Variants in PCSK2 observed in about 807,000 individuals in gnomAD.
PCSK2 encodes neuroendocrine convertase 2.
In PCSK2, 14 loss-of-function variants were observed where a neutral mutation model predicts 69.7. The observed-to-expected ratio is 0.20, with a 90% confidence interval of 0.13 to 0.31. PCSK2 has a LOEUF of 0.31. Among genes scored for constraint, PCSK2 ranks in the 10% least tolerant of loss-of-function variants. The pLI is 1.00. For synonymous variants in PCSK2, 307 were observed against 320.7 expected, an observed-to-expected ratio of 0.96 and a Z score of 0.46; for missense variants, 544 against 842.5, an observed-to-expected ratio of 0.65 and a Z score of 4.39.
At chr20:17,480,268 C>G (rs2033375284) in intron 11 of PCSK2, among the ~76,000 whole-genome samples, 1 of 146,046 alleles carries the variant, frequency 6.8e-6, no homozygotes, top group South Asian at 2.1e-4. Context: ...CGGCTCACTG[C>G]AAGCTCCGCC....
intron 2 of PCSK2, among the ~76,000 whole-genome samples, chr20:17,349,614 C>G (rs964472611): frequency 8.5e-5 from 13 of 152,108 alleles, no homozygotes; most frequent in South Asian, 2.1e-4. Flanking sequence ...GATGCGTCCT[C>G]AAGCCCATCC....
intron 4 of PCSK2, among the ~76,000 whole-genome samples, chr20:17,363,405 GAAA>G (rs748972601): frequency 6.6e-6 from 1 of 152,222 alleles, no homozygotes; most frequent in Non-Finnish European, 1.5e-5. Context: ...TAAAGGGGCA[GAAA>G]TTATTTCTTA....
intron 1 of PCSK2, among the ~76,000 whole-genome samples, chr20:17,232,804 C>A (rs1013978502): frequency 6.6e-6 from 1 of 152,156 alleles, no homozygotes; most frequent in African/African-American, 2.4e-5. Flanking sequence ...AAAATAAAAA[C>A]AGCATATAGA....
upstream of PCSK2, among the ~76,000 whole-genome samples, chr20:17,226,704 C>A (rs1033163446): frequency 6.6e-6 from 1 of 151,862 alleles, no homozygotes; most frequent in African/African-American, 2.4e-5. Context: ...CCGCCGCTGG[C>A]CTGATTACAG....
In PCSK2 at chr20:17,482,766, GC is replaced by G. The variant is rs1163761193; in HGVS notation, c.*697del. 6.6e-6 allele frequency: 1 copy of G among 152,476 alleles called. No individual in the cohort carries two copies. Among genetic ancestry groups the G allele is most frequent in the Non-Finnish European group, 1.5e-5 (1 of 68,032 alleles). 9.4% of individuals were successfully genotyped at this position (152,476 alleles called of 1,614,324 possible). On this transcript the variant is annotated 3_prime_UTR_variant, in exon 12 of 12. Transcript: ENST00000262545. ...GCAAATATAAAACTTACAGAGCGTG[GC>G]TGTGCTCTCACCAGCTGCTGCTCTG...
At chr20:17,374,757 C>A (rs1483174506) in intron 5 of PCSK2, among the ~76,000 whole-genome samples, 2 of 152,072 alleles carry the variant, frequency 1.3e-5, no homozygotes, top group Non-Finnish European at 2.9e-5. Flanking sequence ...GAGTTACCCA[C>A]AAACTCCTGT....
chr20:17,254,400 T>G (rs190448057), intron 1 of PCSK2, among the ~76,000 whole-genome samples: 1 of 152,138 alleles, frequency 6.6e-6, no homozygotes, highest in Non-Finnish European at 1.5e-5. Context: ...TCCAAATTCA[T>G]TTTTTTCATG....
At chr20:17,311,167 T>C (rs1177448397) in intron 2 of PCSK2, among the ~76,000 whole-genome samples, 1 of 152,164 alleles carries the variant, frequency 6.6e-6, no homozygotes, top group Non-Finnish European at 1.5e-5. Flanking sequence ...TGTCTGTGTA[T>C]AAATTGAACA....
chr20:17,470,744 A>G (rs929745350), intron 11 of PCSK2, among the ~76,000 whole-genome samples: 3 of 152,200 alleles, frequency 2.0e-5, no homozygotes, highest in Non-Finnish European at 4.4e-5. Context: ...CTTAACTCCA[A>G]TGTCCTTATC....
chr20:17,470,269 T>A (rs2033177532), intron 11 of PCSK2, among the ~76,000 whole-genome samples: 1 of 152,214 alleles, frequency 6.6e-6, no homozygotes, highest in Non-Finnish European at 1.5e-5. Context: ...AGAAAGTGGA[T>A]GACCGTGATT....
intron 6 of PCSK2, among the ~76,000 whole-genome samples, chr20:17,426,806 C>T (rs149352749): frequency 2.5e-3 from 386 of 152,320 alleles, no homozygotes; most frequent in Non-Finnish European, 4.8e-3. Flanking sequence ...ATGAGGCCCA[C>T]GCACATTATG....
intron 6 of PCSK2, among the ~76,000 whole-genome samples, chr20:17,410,135 T>G (rs1019406563): frequency 1.3e-5 from 2 of 152,226 alleles, no homozygotes; most frequent in Non-Finnish European, 2.9e-5. Context: ...CATTTTTTTT[T>G]TTATTTCTCA....
At chr20:17,265,079 G>T (rs940616902) in intron 2 of PCSK2, among the ~76,000 whole-genome samples, 11 of 152,156 alleles carry the variant, frequency 7.2e-5, no homozygotes, top group Admixed American at 7.2e-4. Flanking sequence ...GGCCGGGCTG[G>T]TCTTGAACTC....
chr20:17,302,487 C>G (rs147568892), intron 2 of PCSK2, among the ~76,000 whole-genome samples: 1 of 152,178 alleles, frequency 6.6e-6, no homozygotes, highest in Non-Finnish European at 1.5e-5. Flanking sequence ...CCCTTGGTAG[C>G]TCTTTCAGTA....
At chr20:17,236,795 G>A (rs1049170165) in intron 1 of PCSK2, among the ~76,000 whole-genome samples, 7 of 152,164 alleles carry the variant, frequency 4.6e-5, no homozygotes, top group African/African-American at 1.7e-4. Flanking sequence ...ATTGGCAGGG[G>A]AAGTCCTGTT....
intron 2 of PCSK2, among the ~76,000 whole-genome samples, chr20:17,312,979 T>A (rs1050231647): frequency 3.9e-5 from 6 of 152,182 alleles, no homozygotes; most frequent in African/African-American, 1.4e-4. Context: ...TCTTCCCCTC[T>A]GAATTCACCA....
chr20:17,411,613 A>G (rs984786848), intron 6 of PCSK2, among the ~76,000 whole-genome samples: 15 of 152,250 alleles, frequency 9.9e-5, no homozygotes, highest in African/African-American at 3.1e-4. Flanking sequence ...AAGGAGCAGA[A>G]GCTTCTGCAG....
In PCSK2 at chr20:17,245,410, T is replaced by C. The variant is rs144827425; in HGVS notation, c.178-14830T>C. Among the ~76,000 whole-genome samples the C allele has an allele frequency of 8.5e-3, 1,296 of 152,350 alleles. 7 individuals carry two copies. Among genetic ancestry groups the C allele is most frequent in the Middle Eastern group, 0.017 (5 of 294 alleles). On this transcript the variant is annotated intron_variant, in intron 1 of 11. Coordinates refer to ENST00000262545, the MANE Select transcript of PCSK2 (RefSeq NM_002594.5). Reference sequence around the variant, plus strand: ...ATTCTTGTGGGTTATTCTAGCTTTTTAAAGGGATATCTTGCTTGTGAAGAT... The same window carrying C: ...ATTCTTGTGGGTTATTCTAGCTTTTCAAAGGGATATCTTGCTTGTGAAGAT...
chr20:17,263,706 C>T (rs1201933085), intron 2 of PCSK2, among the ~76,000 whole-genome samples: 1 of 152,176 alleles, frequency 6.6e-6, no homozygotes, highest in Non-Finnish European at 1.5e-5. Context: ...TGTTTCATTA[C>T]TTCCAAGTTT....
Sources: allele counts gnomAD v4.1 joint callset (sites outside exome capture counted in the v4.1 genomes callset), GRCh38; gene constraint gnomAD v4.1.1; transcripts MANE v1.5; gene names NCBI Gene and HGNC (gene_info 2026-07-23, HGNC 2026-07-21).